The following RABGAP1L variants were observed in gnomAD, a reference collection of about 807,000 sequenced individuals.
RABGAP1L encodes RAB GTPase activating protein 1 like.
In RABGAP1L, 63 loss-of-function variants were observed where a neutral mutation model predicts 137.7. That is an observed-to-expected ratio of 0.46 (90% CI 0.37 to 0.56). The LOEUF is 0.56. Among genes scored for constraint, RABGAP1L ranks in the 20% least tolerant of loss-of-function variants. RABGAP1L has a pLI of 0.00. For synonymous variants in RABGAP1L, 431 were observed against 433.7 expected (o/e 0.99, Z 0.08); for missense variants, 1,095 against 1,244.0 (o/e 0.88, Z 1.80).
At chr1:174,698,921 G>A (rs1370148484) in intron 15 of RABGAP1L, among the ~76,000 whole-genome samples, 4 of 151,940 alleles carry the variant, frequency 2.6e-5, no homozygotes, top group African/African-American at 9.7e-5. Context: ...AGGTACCGGG[G>A]ATTAGTTTAT....
chr1:174,337,307 T>TG, intron 11 of RABGAP1L, among the ~76,000 whole-genome samples: 1 of 152,220 alleles, frequency 6.6e-6, no homozygotes, highest in Middle Eastern at 3.4e-3. Context: ...GTAGCTTGCA[T>TG]ATTCAAGGTC....
intron 19 of RABGAP1L, among the ~76,000 whole-genome samples, chr1:174,954,627 T>C (rs1668241568): frequency 6.6e-6 from 1 of 152,200 alleles, no homozygotes; most frequent in African/African-American, 2.4e-5. Context: ...AGTGGATCCA[T>C]TTTAGAACCA....
chr1:174,633,036 AG>A (rs1673570122), intron 13 of RABGAP1L, among the ~76,000 whole-genome samples: 1 of 152,162 alleles, frequency 6.6e-6, no homozygotes, highest in Non-Finnish European at 1.5e-5. Context: ...TGGCCAGGGC[AG>A]TCAGGCAGGA....
At chr1:174,825,654 T>C (rs1179816276) in intron 19 of RABGAP1L, among the ~76,000 whole-genome samples, 4 of 152,162 alleles carry the variant, frequency 2.6e-5, no homozygotes, top group South Asian at 2.1e-4. Flanking sequence ...GAGGCCAAGG[T>C]GGTGGATCAC....
intron 18 of RABGAP1L, among the ~76,000 whole-genome samples, chr1:174,777,888 T>C (rs1573144204): frequency 6.6e-6 from 1 of 152,100 alleles, no homozygotes; most frequent in African/African-American, 2.4e-5. Context: ...GAAAGGAGCA[T>C]CAGTGAGCTG....
intron 14 of RABGAP1L, among the ~76,000 whole-genome samples, chr1:174,665,231 T>C (rs1676693999): frequency 6.6e-6 from 1 of 152,190 alleles, no homozygotes; most frequent in South Asian, 2.1e-4. Flanking sequence ...CTGCCAGAGT[T>C]TGAATTCTAG....
At chr1:174,422,615 A>G (rs1651451223) in intron 13 of RABGAP1L, among the ~76,000 whole-genome samples, 2 of 152,122 alleles carry the variant, frequency 1.3e-5, no homozygotes, top group African/African-American at 4.8e-5. Context: ...TTAATCTTAA[A>G]TCAGTCAGGT....
chr1:174,602,478 C>T (rs1670486889), intron 13 of RABGAP1L, among the ~76,000 whole-genome samples: 1 of 152,192 alleles, frequency 6.6e-6, no homozygotes, highest in South Asian at 2.1e-4. Flanking sequence ...TTACCTCCAC[C>T]TGGGTTCCTC....
intron 15 of RABGAP1L, among the ~76,000 whole-genome samples, chr1:174,684,325 T>C (rs148044793): frequency 1.3e-5 from 2 of 151,906 alleles, no homozygotes; most frequent in African/African-American, 4.8e-5. Flanking sequence ...AGAAATGAGA[T>C]TGGAGAAGGT....
At chr1:174,412,670 C>T (rs868675577) in intron 13 of RABGAP1L, among the ~76,000 whole-genome samples, 1 of 152,020 alleles carries the variant, frequency 6.6e-6, no homozygotes, top group South Asian at 2.1e-4. Flanking sequence ...TAATGAATTC[C>T]CTTAGCACTT....
intron 13 of RABGAP1L, among the ~76,000 whole-genome samples, chr1:174,492,539 G>A (rs764118895): frequency 3.3e-5 from 5 of 151,878 alleles, no homozygotes; most frequent in Non-Finnish European, 5.9e-5. Context: ...TAGTAGAGAC[G>A]GGGTTTCACT....
chr1:174,665,915 A>G (rs1389841789), intron 14 of RABGAP1L, among the ~76,000 whole-genome samples: 1 of 152,394 alleles, frequency 6.6e-6, no homozygotes, highest in East Asian at 1.9e-4. Flanking sequence ...ACAGGTAGAG[A>G]AATTAATGCA....
In RABGAP1L at chr1:174,948,203, A is replaced by G. The variant is rs557816842; in HGVS notation, c.2341-9254A>G. Among the ~76,000 whole-genome samples, 12 of 152,210 alleles carry G rather than the reference A, an allele frequency of 7.9e-5. No homozygotes were observed. The East Asian group carries it at 2.3e-3, about 29-fold the overall frequency. On this transcript the variant is annotated intron_variant, in intron 19 of 25. Coordinates refer to ENST00000681986, the MANE Select transcript of RABGAP1L (RefSeq NM_001366446.1). ...GGATGACTATAGTCAATAATAATTAATTGTACATTTAAAAATAACTAAAAG... is the reference window on the plus strand; with the variant it reads ...GGATGACTATAGTCAATAATAATTAGTTGTACATTTAAAAATAACTAAAAG...
intron 5 of RABGAP1L, among the ~76,000 whole-genome samples, chr1:174,247,157 C>T (rs1237298239): frequency 6.6e-6 from 1 of 151,866 alleles, no homozygotes; most frequent in Non-Finnish European, 1.5e-5. Context: ...TTTGATATGG[C>T]CTTCTGATGT....
chr1:174,231,802 TTCATGAGAACAGCTA>T lies in RABGAP1L; in HGVS notation c.542+461_542+475del, dbSNP rs377433044. 3.9e-3 allele frequency among the ~76,000 whole-genome samples: 593 copies of T among 152,140 alleles called. 1 individual carries two copies. The highest frequency in any genetic ancestry group is 0.014 in the African/African-American group (561 of 41,516). ...GCCACACGCTTTTAAACAACCAGGT[TTCATGAGAACAGCTA>T]TCATGAGAACAGCACCGAGGGGATG... is the stretch of plus-strand genomic sequence containing the variant. On this transcript the variant is annotated intron_variant, in intron 4 of 25. Coordinates refer to ENST00000681986, the MANE Select transcript of RABGAP1L (RefSeq NM_001366446.1).
At chr1:174,322,567 G>T (rs1336338006) in intron 11 of RABGAP1L, among the ~76,000 whole-genome samples, 3 of 152,146 alleles carry the variant, frequency 2.0e-5, no homozygotes, top group African/African-American at 7.2e-5. Context: ...TCTAGCTTTT[G>T]CCAGAGAGAG....
chr1:174,776,381 TAA>T, intron 18 of RABGAP1L, among the ~76,000 whole-genome samples: 1 of 148,172 alleles, frequency 6.7e-6, no homozygotes, highest in East Asian at 2.0e-4. Flanking sequence ...TCTCAAAAAA[TAA>T]AAAAAAAATA....
intron 19 of RABGAP1L, chr1:174,893,049 C>T: frequency 3.5e-6 from 1 of 289,284 alleles, no homozygotes; most frequent in Non-Finnish European, 7.0e-6. Context: ...CCCAGCCAGG[C>T]TACCTCATTT....
intron 14 of RABGAP1L, among the ~76,000 whole-genome samples, chr1:174,638,571 A>G (rs1006861223): frequency 4.6e-4 from 69 of 150,512 alleles, no homozygotes; most frequent in Non-Finnish European, 8.7e-4. Context: ...ATGCTGCTGT[A>G]AAGACACATG....
Sources: allele counts gnomAD v4.1 joint callset (sites outside exome capture counted in the v4.1 genomes callset), GRCh38; gene constraint gnomAD v4.1.1; transcripts MANE v1.5; gene names NCBI Gene and HGNC (gene_info 2026-07-23, HGNC 2026-07-21).